The following TRIP12 variants were observed in gnomAD, a reference collection of about 807,000 sequenced individuals.
TRIP12 encodes the protein thyroid hormone receptor interactor 12, also known as E3 ubiquitin-protein ligase TRIP12.
A neutral mutation model predicts 244.2 loss-of-function variants in TRIP12; 25 were observed. The ratio of observed to expected loss-of-function variants is 0.10; its 90% CI spans 0.07 to 0.14. TRIP12 has a LOEUF of 0.14. Ranked by LOEUF, TRIP12 falls within the 10% of genes least tolerant of loss-of-function variation. TRIP12 has a pLI of 1.00. For synonymous variants in TRIP12, 905 were observed against 873.1 expected, an observed-to-expected ratio of 1.04 and a Z score of -0.64; for missense variants, 1,677 against 2,486.4, an observed-to-expected ratio of 0.67 and a Z score of 6.92.
chr2:229,859,635 T>C, intron 3 of TRIP12, 61 bp from the exon 4 acceptor site: 1 of 1,503,214 alleles, frequency 6.7e-7, no homozygotes, highest in African/African-American at 1.4e-5. Context: ...CTGTCATATA[T>C]AATGCTTTCA....
chr2:229,854,606 T>A (rs1013657247), intron 4 of TRIP12, among the ~76,000 whole-genome samples: 4 of 152,186 alleles, frequency 2.6e-5, no homozygotes, highest in African/African-American at 9.7e-5. Flanking sequence ...GAATCCAACA[T>A]TTTTGGCTCT....
chr2:229,796,643 A>C lies in TRIP12; in HGVS notation c.3764T>G (p.Val1255Gly). ...TCGCTTTAATCTGATCTCTCTGCTCACAGCATCCTTTTCACTTTTAGATGT... is the reference window on the plus strand; with the variant it reads ...TCGCTTTAATCTGATCTCTCTGCTCCCAGCATCCTTTTCACTTTTAGATGT... ...YLTSKSEKDAVSREIRLKRFL... is the reference protein window; with the variant it reads ...YLTSKSEKDAGSREIRLKRFL... Residue 1255 changes from valine (V) to glycine (G), a missense_variant, in exon 25 of 42, where the codon GTG (valine) becomes GGG (glycine). By Grantham distance (109) the Val-to-Gly change is moderately radical. Transcript: ENST00000675903. The C allele has an allele frequency of 6.2e-7, 1 of 1,611,970 alleles. No homozygotes were observed. Among genetic ancestry groups the C allele is most frequent in the Non-Finnish European group, 8.5e-7 (1 of 1,179,498 alleles).
chr2:229,807,908 T>C (rs1339120256), intron 16 of TRIP12, 44 bp from the exon 17 acceptor site: 5 of 1,544,748 alleles, frequency 3.2e-6, no homozygotes, highest in South Asian at 1.2e-5. Context: ...TTATGAAATA[T>C]TAGTAAACGT....
intron 21 of TRIP12, 110 bp downstream of exon 21, chr2:229,802,142 T>C: frequency 1.4e-6 from 1 of 738,390 alleles, no homozygotes; most frequent in Non-Finnish European, 1.9e-6. Context: ...AAAGGAAAAA[T>C]ATAATATATA....
At position 229,774,888 on chromosome 2, in the gene TRIP12, A is replaced by G. The variant is rs931441759; in HGVS notation, c.5530-627T>C. Among the ~76,000 whole-genome samples, 5 of 152,268 alleles carry G rather than the reference A, an allele frequency of 3.3e-5. No individual in the cohort carries two copies. The South Asian group carries it at 1.0e-3, about 32-fold the overall frequency. On this transcript the variant is annotated intron_variant, in intron 37 of 41. Coordinates refer to ENST00000675903, the MANE Select transcript of TRIP12 (RefSeq NM_001348323.3). ...GAAAAGGCAAGCAATACTTTATAAG[A>G]CAAACGTTAAGAAGTCTTTATTACT...
intron 4 of TRIP12, among the ~76,000 whole-genome samples, chr2:229,851,530 C>A (rs2058700923): frequency 6.6e-6 from 1 of 152,158 alleles, no homozygotes; most frequent in African/African-American, 2.4e-5. Flanking sequence ...CTGCCCGAGC[C>A]AGCAGTGGCA....
intron 22 of TRIP12, 95 bp downstream of exon 22, chr2:229,799,188 T>C: frequency 2.0e-6 from 3 of 1,522,474 alleles, no homozygotes; most frequent in Non-Finnish European, 2.7e-6. Flanking sequence ...AACTTAGGCA[T>C]ACTTCAAGAG....
intron 22 of TRIP12, 53 bp from the exon 23 acceptor site, chr2:229,799,102 A>G: frequency 1.9e-6 from 3 of 1,595,838 alleles, no homozygotes; most frequent in East Asian, 4.5e-5. Flanking sequence ...AAGTGATGAA[A>G]AACAACTGAT....
chr2:229,776,760 A>C (rs770013156), intron 37 of TRIP12, among the ~76,000 whole-genome samples: 40 of 152,318 alleles, frequency 2.6e-4, no homozygotes, highest in Middle Eastern at 3.4e-3. Flanking sequence ...TTAATCTCAG[A>C]TTGAGTTAAA....
chr2:229,884,616 T>C (rs748306684), intron 1 of TRIP12, among the ~76,000 whole-genome samples: 1 of 152,224 alleles, frequency 6.6e-6, no homozygotes, highest in Non-Finnish European at 1.5e-5. Context: ...AAAACATTTT[T>C]TAAAAATTCA....
At chr2:229,922,412 G>T (rs1423627918), upstream of TRIP12, 4 of 1,096,596 alleles carry the variant, frequency 3.6e-6, no homozygotes. Flanking sequence ...CCTTCTGCCA[G>T]CTCATAAGCG....
At chr2:229,922,270 G>A, upstream of TRIP12, 1 of 526,234 alleles carries the variant, frequency 1.9e-6, no homozygotes, top group South Asian at 2.3e-5. Flanking sequence ...CTCCGCCGGG[G>A]TCACCCCCTC....
intron 5 of TRIP12, among the ~76,000 whole-genome samples, chr2:229,837,624 C>CA (rs1323930047): frequency 5.3e-5 from 8 of 151,746 alleles, no homozygotes; most frequent in East Asian, 1.9e-4. Flanking sequence ...GCAGCAACAA[C>CA]AAAAAAATTA....
intron 37 of TRIP12, 55 bp downstream of exon 37, chr2:229,777,260 C>T (rs1368283383): frequency 7.8e-6 from 12 of 1,548,154 alleles, no homozygotes; most frequent in African/African-American, 1.4e-5. Context: ...TTAACAAAAG[C>T]CTCATTTTTC....
chr2:229,878,637 A>G (rs2064135215), intron 2 of TRIP12, among the ~76,000 whole-genome samples: 2 of 149,902 alleles, frequency 1.3e-5, no homozygotes, highest in Non-Finnish European at 3.0e-5. Flanking sequence ...GCTGGAGTGC[A>G]GTGGCGTGAT....
At chr2:229,872,859 C>T (rs1325624126) in intron 2 of TRIP12, among the ~76,000 whole-genome samples, 1 of 152,148 alleles carries the variant, frequency 6.6e-6, no homozygotes, top group African/African-American at 2.4e-5. Flanking sequence ...TCCTGTCTTG[C>T]CAACTGTTTT....
intron 1 of TRIP12, among the ~76,000 whole-genome samples, chr2:229,919,650 C>G (rs975461241): frequency 6.6e-6 from 1 of 151,894 alleles, no homozygotes; most frequent in African/African-American, 2.4e-5. Context: ...TTCATAGACT[C>G]AAACTAAGTA....
chr2:229,767,786 TTTTTAAAAAACATCAGCTA>T (rs750601206), intron 41 of TRIP12, 36 bp from the exon 42 acceptor site: 1 of 1,577,684 alleles, frequency 6.3e-7, no homozygotes, highest in Non-Finnish European at 8.6e-7. Context: ...GGAACTTAAG[TTTTTAAAAAACATCAGCTA>T]TCAGAAAACA....
chr2:229,774,828 C>T (rs536600199), intron 37 of TRIP12, among the ~76,000 whole-genome samples: 3 of 144,858 alleles, frequency 2.1e-5, no homozygotes, highest in African/African-American at 7.7e-5. Context: ...ACACTGTGAT[C>T]TAAAAAAAAA....
Sources: gnomAD v4.1 joint callset for allele counts (sites outside exome capture counted in the v4.1 genomes callset) on GRCh38, gnomAD v4.1.1 for gene constraint, MANE v1.5 for transcripts, NCBI Gene and HGNC (gene_info 2026-07-23, HGNC 2026-07-21) for gene names.